Variants in UPF2 observed in about 807,000 individuals in gnomAD.
UPF2 encodes the protein regulator of nonsense transcripts 2.
UPF2 carries 17 observed loss-of-function variants against 141.4 expected under a neutral mutation model. The observed-to-expected ratio is 0.12, with a 90% CI of 0.08 to 0.18. The LOEUF is 0.18. Ranked by LOEUF, UPF2 falls within the 10% of genes least tolerant of loss-of-function variation. UPF2 has a pLI of 1.00. For synonymous variants in UPF2, 540 were observed against 498.0 expected (o/e 1.08, Z -1.12); for missense variants, 1,152 against 1,515.9 (o/e 0.76, Z 3.99).
intron 1 of UPF2, among the ~76,000 whole-genome samples, chr10:12,036,750 G>A (rs966196981): frequency 3.9e-5 from 6 of 152,198 alleles, no homozygotes; most frequent in African/African-American, 1.4e-4. Context: ...ATTCGGCCAA[G>A]CACAGTGGCT....
At chr10:11,955,194 G>A in intron 14 of UPF2, 38 bp downstream of exon 14, 1 of 1,523,750 alleles carries the variant, frequency 6.6e-7, no homozygotes, top group Non-Finnish European at 8.8e-7. Context: ...CATGCAATAT[G>A]TTAAATGATG....
chr10:12,013,469 G>A (rs1040010892), intron 4 of UPF2, among the ~76,000 whole-genome samples: 8 of 151,988 alleles, frequency 5.3e-5, no homozygotes, highest in Admixed American at 3.3e-4. Flanking sequence ...TAGAGATGGC[G>A]TTTCAATGTT....
intron 16 of UPF2, among the ~76,000 whole-genome samples, chr10:11,943,742 G>A (rs1832965436): frequency 6.6e-6 from 1 of 152,038 alleles, no homozygotes; most frequent in Non-Finnish European, 1.5e-5. Context: ...ATCTGCCCAA[G>A]GGCACACTGC....
rs529900559 is a variant in UPF2 at position 11,956,652 on chromosome 10, G to A, written c.2371-129C>T. 6.3e-5 allele frequency: 48 copies of A among 761,074 alleles called. No homozygotes were observed. The African/African-American group carries it at 6.8e-4, about 11-fold the overall frequency. The allele number at this position is 761,074 out of a possible 1,614,324, so 47.1% of individuals were successfully genotyped here. A position where few individuals can be genotyped will look rare whatever the true frequency, so the allele number is the denominator to read the frequency against. On this transcript the variant is annotated intron_variant, in intron 12 of 21. Transcript: ENST00000357604. This position sits in a 1 kb window ranked among gnomAD's most constrained non-coding sequence, Gnocchi z 4.2. ...GAAAATACATTAGAAATCCTCTATCGGCCTCTTCAGAAATAGAAAAACTGA... is the reference window on the plus strand; with the variant it reads ...GAAAATACATTAGAAATCCTCTATCAGCCTCTTCAGAAATAGAAAAACTGA...
chr10:11,952,023 G>T, intron 15 of UPF2, 43 bp downstream of exon 15: 1 of 1,578,540 alleles, frequency 6.3e-7, no homozygotes, highest in Non-Finnish European at 8.7e-7. Flanking sequence ...GAAATAATCT[G>T]CCAAATATCA....
rs769456362 is a variant in UPF2, at chr10:11,956,548, A to T, written c.2371-25T>A. On this transcript the variant is annotated intron_variant, in intron 12 of 21. Transcript: ENST00000357604. This position sits in a 1 kb window ranked among gnomAD's most constrained non-coding sequence, Gnocchi z 4.2. ...CCTAAAAAAAGAGAATTTTGTTCAA[A>T]TTATTAAGATAAGTACACAGTAGCC... 30 of 1,607,666 alleles carry T rather than the reference A, an allele frequency of 1.9e-5. No homozygotes were observed. The highest frequency in any genetic ancestry group is 2.7e-5 in the African/African-American group (2 of 74,730).
At chr10:11,950,734 C>T (rs1833062896) in intron 15 of UPF2, among the ~76,000 whole-genome samples, 1 of 152,174 alleles carries the variant, frequency 6.6e-6, no homozygotes, top group Non-Finnish European at 1.5e-5. Flanking sequence ...TTCATAAATA[C>T]TCTGCTCAAT....
rs180901683 is a variant in UPF2, at chr10:11,956,654, C to T, written c.2371-131G>A. Reference sequence around the variant, plus strand: ...AAATACATTAGAAATCCTCTATCGGCCTCTTCAGAAATAGAAAAACTGAGA... The same window carrying T: ...AAATACATTAGAAATCCTCTATCGGTCTCTTCAGAAATAGAAAAACTGAGA... On this transcript the variant is annotated intron_variant, in intron 12 of 21. Coordinates refer to ENST00000357604, the MANE Select transcript of UPF2 (RefSeq NM_015542.4). This position sits in a 1 kb window ranked among gnomAD's most constrained non-coding sequence, Gnocchi z 4.2. 1.0e-4 allele frequency: 76 copies of T among 759,342 alleles called. No individual in the cohort carries two copies. In the African/African-American group the frequency reaches 1.2e-3, roughly 12 times the overall value. The allele number at this position is 759,342 out of a possible 1,614,324, so 47.0% of individuals were successfully genotyped here.
At chr10:11,946,743 G>A (rs1036317159) in intron 16 of UPF2, among the ~76,000 whole-genome samples, 84 of 151,894 alleles carry the variant, frequency 5.5e-4, no homozygotes, top group African/African-American at 1.7e-3. Context: ...TATTTTGATC[G>A]ACTTTTTTTT....
chr10:11,996,939 G>C (rs1833873248), intron 8 of UPF2, among the ~76,000 whole-genome samples: 1 of 152,104 alleles, frequency 6.6e-6, no homozygotes, highest in African/African-American at 2.4e-5. Flanking sequence ...CTTATCTTTT[G>C]GGGAGAGTAT....
At chr10:12,023,952 G>A (rs1422243765) in intron 3 of UPF2, among the ~76,000 whole-genome samples, 1 of 152,074 alleles carries the variant, frequency 6.6e-6, no homozygotes, top group Non-Finnish European at 1.5e-5. Flanking sequence ...GCCTGCCACT[G>A]CACTCCAGCC....
intron 9 of UPF2, among the ~76,000 whole-genome samples, chr10:11,977,070 C>T (rs1014434647): frequency 1.3e-4 from 20 of 152,166 alleles, no homozygotes; most frequent in Admixed American, 9.8e-4. Flanking sequence ...CACCAACTAA[C>T]AGGCAACTGG....
At chr10:11,975,155 G>T (rs770488385) in intron 9 of UPF2, among the ~76,000 whole-genome samples, 3 of 152,168 alleles carry the variant, frequency 2.0e-5, no homozygotes, top group Non-Finnish European at 4.4e-5. Context: ...TAGTTACTTG[G>T]GAGGCTAAAA....
chr10:11,951,961 T>C, intron 15 of UPF2, 105 bp downstream of exon 15: 3 of 1,220,522 alleles, frequency 2.5e-6, no homozygotes, highest in Non-Finnish European at 3.5e-6. Context: ...ACACCGAAAA[T>C]AGAAAAGATA....
At chr10:11,966,413 C>A (rs892081581) in intron 10 of UPF2, among the ~76,000 whole-genome samples, 5 of 149,102 alleles carry the variant, frequency 3.4e-5, no homozygotes, top group Middle Eastern at 3.4e-3. Context: ...TCATTACAAA[C>A]CAGCCTTATT....
intron 4 of UPF2, among the ~76,000 whole-genome samples, chr10:12,005,980 T>C (rs1834029148): frequency 1.3e-5 from 2 of 152,052 alleles, no homozygotes; most frequent in African/African-American, 2.4e-5. Context: ...CCTGGGCTCA[T>C]GCAATCCTCC....
intron 21 of UPF2, among the ~76,000 whole-genome samples, chr10:11,922,028 T>G (rs781726391): frequency 5.3e-5 from 8 of 152,002 alleles, no homozygotes; most frequent in Non-Finnish European, 1.2e-4. Flanking sequence ...AAAGGGAAAT[T>G]TGCACACAGA....
rs185130894 is a variant in UPF2 at position 11,927,192 on chromosome 10, T to C, written c.3809+2673A>G. Among the ~76,000 whole-genome samples the C allele has an allele frequency of 5.4e-3, 821 of 152,330 alleles. 9 individuals carry two copies. Among genetic ancestry groups the C allele is most frequent in the Non-Finnish European group, 7.3e-3 (496 of 68,026 alleles). On this transcript the variant is annotated intron_variant, in intron 21 of 21. Coordinates refer to ENST00000357604, the MANE Select transcript of UPF2 (RefSeq NM_015542.4). ...ACGGAGGGAGGCAAATCCTACTGGA[T>C]GCCCCTTATGTCATCCAACTCCATA...
At chr10:11,948,586 G>A (rs2131179457) in intron 15 of UPF2, 78 bp from the exon 16 acceptor site, 1 of 1,429,322 alleles carries the variant, frequency 7.0e-7, no homozygotes, top group South Asian at 1.4e-5. Context: ...ACCAATTCAT[G>A]TAAAAGTATG....
Sources: allele counts gnomAD v4.1 joint callset (sites outside exome capture counted in the v4.1 genomes callset), GRCh38; gene constraint gnomAD v4.1.1; non-coding constraint Gnocchi (gnomAD v3.1); transcripts MANE v1.5; gene names NCBI Gene and HGNC (gene_info 2026-07-23, HGNC 2026-07-21).